Variants in ABT1 observed in about 807,000 individuals in gnomAD.
The protein encoded by ABT1 is TATA-binding protein-binding protein.
ABT1 carries 13 observed loss-of-function variants against 14.0 expected under a neutral mutation model. The observed-to-expected ratio is 0.93, with a 90% CI of 0.61 to 1.48. ABT1 has a LOEUF of 1.48. Ranked by LOEUF, ABT1 falls within the 40% of genes most tolerant of loss-of-function variation. ABT1 has a pLI of 0.00. For synonymous variants in ABT1, 165 were observed against 144.6 expected (o/e 1.14, Z -1.01); for missense variants, 430 against 380.0 (o/e 1.13, Z -1.09).
In ABT1 at chr6:26,598,294, C is replaced by A. The variant is rs781788958; in HGVS notation, c.468C>A (p.Leu156=). The A allele has an allele frequency of 1.2e-6, 2 of 1,614,000 alleles. No homozygotes were observed. Among genetic ancestry groups the A allele is most frequent in the South Asian group, 1.1e-5 (1 of 91,084 alleles). ...TGCACCGTTTCACCTGGTCCCACCTCAGCGAGCACCTCGCCTTTGAGCGCC... is the reference window on the plus strand; with the variant it reads ...TGCACCGTTTCACCTGGTCCCACCTAAGCGAGCACCTCGCCTTTGAGCGCC... ...KYLHRFTWSH[L]SEHLAFERQV... The change falls in exon 3 of 3, where the codon CTC becomes CTA. Residue 156 remains leucine, a synonymous_variant. Coordinates refer to ENST00000274849, the MANE Select transcript of ABT1 (RefSeq NM_013375.4).
chr6:26,600,116 T>G lies in ABT1; in HGVS notation c.*1471T>G, dbSNP rs1764957017. Reference sequence around the variant, plus strand: ...TTGGCACACAAACTACGTTTCCATTTAGAAACTTTCGTCTTGTTTCTGTTT... The same window carrying G: ...TTGGCACACAAACTACGTTTCCATTGAGAAACTTTCGTCTTGTTTCTGTTT... On this transcript the variant is annotated 3_prime_UTR_variant, in exon 3 of 3. Coordinates refer to ENST00000274849, the MANE Select transcript of ABT1 (RefSeq NM_013375.4). The G allele has an allele frequency of 6.6e-6, 1 of 152,264 alleles. No individual in the cohort carries two copies. Among genetic ancestry groups the G allele is most frequent in the Non-Finnish European group, 1.5e-5 (1 of 68,046 alleles). 9.4% of individuals were successfully genotyped at this position (152,264 alleles called of 1,614,324 possible).
At chr6:26,597,637 C>G (rs909752273) in intron 1 of ABT1, among the ~76,000 whole-genome samples, 4 of 152,184 alleles carry the variant, frequency 2.6e-5, no homozygotes, top group African/African-American at 4.8e-5. Flanking sequence ...TGATCAACCG[C>G]CCCTCTTCTT....
rs1764906858 is a variant in ABT1 at position 26,596,981 on chromosome 6, A to G, written c.-2A>G. 1 of 1,609,534 alleles carries G rather than the reference A, an allele frequency of 6.2e-7. No individual in the cohort carries two copies. Among genetic ancestry groups the G allele is most frequent in the South Asian group, 1.1e-5 (1 of 90,458 alleles). On this transcript the variant is annotated 5_prime_UTR_variant, in exon 1 of 3. Coordinates refer to ENST00000274849, the MANE Select transcript of ABT1 (RefSeq NM_013375.4). ...GCCGTCGTGCCGCTCGTGTCAGTCA[A>G]CATGGAGGCAGAGGAATCGGAGAAG... is the stretch of plus-strand genomic sequence containing the variant.
chr6:26,598,068 C>A lies in ABT1; in HGVS notation c.396C>A (p.Ala132=). Residue 132 remains alanine, a synonymous_variant, in exon 2 of 3, where the codon GCC becomes GCA. Transcript: ENST00000274849. The part of the protein sequence containing the change: ...AASLHNTPMG[A]RRRSPFRYDL... ...GTCTACACAACACGCCTATGGGTGC[C>A]CGCAGGCGCAGCCCCTTCCGTTATG... 6.2e-7 allele frequency: 1 copy of A among 1,614,012 alleles called. No homozygotes were observed. The highest frequency in any genetic ancestry group is 8.5e-7 in the Non-Finnish European group (1 of 1,179,916).
chr6:26,597,227 A>T lies in ABT1; in HGVS notation c.241+4A>T. 1.2e-6 allele frequency: 2 copies of T among 1,613,850 alleles called. No individual in the cohort carries two copies. The highest frequency in any genetic ancestry group is 1.7e-6 in the Non-Finnish European group (2 of 1,179,824). ...CGCGTCTTCTTTCAGGCTGAGGGTA[A>T]GTATGCAGGCCCTGACGGTGACAGG... On this transcript the variant is annotated splice_donor_region_variant and intron_variant, in intron 1 of 2. Transcript: ENST00000274849.
At position 26,599,455 on chromosome 6, in the gene ABT1, G is replaced by A. The variant is rs556703191; in HGVS notation, c.*810G>A. 1.3e-5 allele frequency: 2 copies of A among 152,302 alleles called. No individual in the cohort carries two copies. The highest frequency in any genetic ancestry group is 2.4e-5 in the African/African-American group (1 of 41,560). The allele number at this position is 152,302 out of a possible 1,614,324, so 9.4% of individuals were successfully genotyped here. ...ATCGTGGTAGATGCATATAAAGGGTGGAATGGGAGCCATGGCAGGTCATAG... is the reference window on the plus strand; with the variant it reads ...ATCGTGGTAGATGCATATAAAGGGTAGAATGGGAGCCATGGCAGGTCATAG... On this transcript the variant is annotated 3_prime_UTR_variant, in exon 3 of 3. Coordinates refer to ENST00000274849, the MANE Select transcript of ABT1 (RefSeq NM_013375.4).
rs1430533894 is a variant in ABT1, at chr6:26,597,968, G to A, written c.296G>A (p.Arg99Gln). 1.2e-5 allele frequency: 19 copies of A among 1,613,794 alleles called. No individual in the cohort carries two copies. In the East Asian group the frequency reaches 4.2e-4, roughly 36 times the overall value. The part of the protein sequence containing the change: ...KAAAAAGGKK[R>Q]SYTKDYTEGW... ...GCAGCAGCTGCCGGAGGAAAAAAGC[G>A]GTCCTACACCAAGGACTACACCGAG... The change falls in exon 2 of 3, where the codon CGG (arginine) becomes CAG (glutamine). Residue 99 changes from arginine to glutamine, a missense_variant. By Grantham distance (43) the Arg-to-Gln change is conservative (BLOSUM62 1). Transcript: ENST00000274849.
Position 26,597,032 on chromosome 6 carries a change from A to G in ABT1, c.50A>G (p.Glu17Gly). Reference sequence around the variant, plus strand: ...GCCGCAACGGAGCAAGAGCCGCTGGAAGGGACAGAACAGACACTAGATGCG... The same window carrying G: ...GCCGCAACGGAGCAAGAGCCGCTGGGAGGGACAGAACAGACACTAGATGCG... ...EKAATEQEPL[E>G]GTEQTLDAEE... Residue 17 changes from glutamate to glycine, a missense_variant, in exon 1 of 3, where the codon GAA becomes GGA. Physicochemically the swap from Glu to Gly is moderately conservative, Grantham distance 98. Transcript: ENST00000274849. 1 of 1,613,686 alleles carries G rather than the reference A, an allele frequency of 6.2e-7. No individual in the cohort carries two copies. Among genetic ancestry groups the G allele is most frequent in the Non-Finnish European group, 8.5e-7 (1 of 1,179,964 alleles).
Position 26,598,946 on chromosome 6 carries a change from G to GC in ABT1, c.*306dup. On this transcript the variant is annotated 3_prime_UTR_variant, in exon 3 of 3. Coordinates refer to ENST00000274849, the MANE Select transcript of ABT1 (RefSeq NM_013375.4). ...GGGTCCCCTGAAAATCCCACTTCCT[G>GC]CCCCCAGAAAGGGCCTTTATTTCCA... The GC allele has an allele frequency of 3.7e-6, 1 of 272,422 alleles. No homozygotes were observed. The highest frequency in any genetic ancestry group is 6.9e-6 in the Non-Finnish European group (1 of 145,066). The allele number at this position is 272,422 out of a possible 1,614,324, so 16.9% of individuals were successfully genotyped here.
intron 1 of ABT1, 38 bp from the exon 2 acceptor site, chr6:26,597,876 A>G (rs1554144659): frequency 1.3e-6 from 2 of 1,573,682 alleles, no homozygotes; most frequent in African/African-American, 1.4e-5. Context: ...TGAGTGCTGC[A>G]TAGGCGTCCT....
rs782232408 is a variant in ABT1 at position 26,597,166 on chromosome 6, G to C, written c.184G>C (p.Val62Leu). Reference sequence around the variant, plus strand: ...CCCGCCGCGCTTCCGGCCCCTGCACGTCCGCAACCTTCTCAGCGCCTATGG... The same window carrying C: ...CCCGCCGCGCTTCCGGCCCCTGCACCTCCGCAACCTTCTCAGCGCCTATGG... ...HIPPRFRPLH[V>L]RNLLSAYGEV... The change falls in exon 1 of 3, where the codon GTC becomes CTC. Residue 62 changes from valine to leucine, a missense_variant. Val to Leu is a conservative substitution (Grantham distance 32, BLOSUM62 1). Coordinates refer to ENST00000274849, the MANE Select transcript of ABT1 (RefSeq NM_013375.4). The C allele has an allele frequency of 6.2e-7, 1 of 1,614,246 alleles. No individual in the cohort carries two copies. The highest frequency in any genetic ancestry group is 8.5e-7 in the Non-Finnish European group (1 of 1,180,050).
In ABT1 at chr6:26,597,930, CAAG is replaced by C. The variant is rs781785112; in HGVS notation, c.265_267del (p.Lys89del). 1.7e-5 allele frequency: 27 copies of C among 1,612,380 alleles called. No individual in the cohort carries two copies. The highest frequency in any genetic ancestry group is 6.7e-5 in the East Asian group (3 of 44,832). On this transcript the variant is annotated inframe_deletion, in exon 2 of 3. Transcript: ENST00000274849. The stretch of plus-strand genomic sequence containing the variant: ...GGCGCGCAGACCGGTTCGTGAGACG[CAAG>C]AAGAAGGCAGCAGCAGCTGCCGGAG...
chr6:26,597,845 G>T lies in ABT1; in HGVS notation c.242-69G>T, dbSNP rs1581469518. 7.5e-6 allele frequency: 11 copies of T among 1,460,976 alleles called. No individual in the cohort carries two copies. The South Asian group carries it at 1.5e-4, about 20-fold the overall frequency. The allele number at this position is 1,460,976 out of a possible 1,614,324, so 90.5% of individuals were successfully genotyped here. A position where few individuals can be genotyped will look rare whatever the true frequency, so the allele number is the denominator to read the frequency against. On this transcript the variant is annotated intron_variant, in intron 1 of 2. Transcript: ENST00000274849. ...CTGGCAGATGTGAAGAACGTTGCGG[G>T]CAGTGGGAGGTGCTTTTGAGTGAGT...
rs781931435 is a variant in ABT1 at position 26,597,117 on chromosome 6, A to G, written c.135A>G (p.Pro45=). ...AACGSKKRVV[P]GIVYLGHIPP... ...GTGGCAGCAAGAAACGGGTAGTGCC[A>G]GGTATTGTGTACCTGGGCCATATCC... The change falls in exon 1 of 3, where the codon CCA becomes CCG. Residue 45 remains proline (P), a synonymous_variant. Coordinates refer to ENST00000274849, the MANE Select transcript of ABT1 (RefSeq NM_013375.4). The G allele has an allele frequency of 6.2e-7, 1 of 1,614,106 alleles. No individual in the cohort carries two copies. The highest frequency in any genetic ancestry group is 1.7e-4 in the Middle Eastern group (1 of 6,054).
In ABT1 at chr6:26,600,318, TTCCC is replaced by T. The variant is rs2113627810; in HGVS notation, c.*1676_*1679del. ...GAGATACCAAGGTGAAGAAGAAACTTTCCCTCTAGTTGCTAACAGCTTAGAAAGT... is the reference window on the plus strand; with the variant it reads ...GAGATACCAAGGTGAAGAAGAAACTTTCTAGTTGCTAACAGCTTAGAAAGT... On this transcript the variant is annotated 3_prime_UTR_variant, in exon 3 of 3. Coordinates refer to ENST00000274849, the MANE Select transcript of ABT1 (RefSeq NM_013375.4). The T allele has an allele frequency of 6.6e-6, 1 of 152,360 alleles. No homozygotes were observed. The highest frequency in any genetic ancestry group is 2.1e-4 in the South Asian group (1 of 4,830). The allele number at this position is 152,360 out of a possible 1,614,324, so 9.4% of individuals were successfully genotyped here.
chr6:26,597,802 C>G (rs1052529138), intron 1 of ABT1, 112 bp from the exon 2 acceptor site: 5 of 1,120,086 alleles, frequency 4.5e-6, no homozygotes, highest in East Asian at 2.6e-5. Context: ...GGCAAAAACT[C>G]TTCAGGTGGG....
Position 26,597,105 on chromosome 6 carries a change from A to G in ABT1, c.123A>G (p.Lys41=), listed in dbSNP as rs3800302. The G allele has an allele frequency of 0.64, 1,034,506 of 1,613,422 alleles. 334,809 individuals carry two copies. The highest frequency in any genetic ancestry group is 0.8 in the East Asian group (35,958 of 44,852). ...AAGAAGCGGCCTGTGGCAGCAAGAA[A>G]CGGGTAGTGCCAGGTATTGTGTACC... ...ESEEAACGSK[K]RVVPGIVYLG... is the part of the protein sequence containing the mutation. The change falls in exon 1 of 3, where the codon AAA becomes AAG. Residue 41 remains lysine (K), a synonymous_variant. Coordinates refer to ENST00000274849, the MANE Select transcript of ABT1 (RefSeq NM_013375.4).
Position 26,600,281 on chromosome 6 carries a change from C to T in ABT1, c.*1636C>T, listed in dbSNP as rs1426823301. 6.6e-6 allele frequency: 1 copy of T among 152,236 alleles called. No homozygotes were observed. The highest frequency in any genetic ancestry group is 1.5e-5 in the Non-Finnish European group (1 of 68,048). 9.4% of individuals were successfully genotyped at this position (152,236 alleles called of 1,614,324 possible). On this transcript the variant is annotated 3_prime_UTR_variant, in exon 3 of 3. Transcript: ENST00000274849. ...GAATTCCAAGTGCCCATTGCTACTT[C>T]TGCTAGATAAAGAGATACCAAGGTG...
intron 1 of ABT1, 38 bp downstream of exon 1, chr6:26,597,261 G>T: frequency 1.2e-6 from 2 of 1,602,390 alleles, no homozygotes; most frequent in Non-Finnish European, 1.7e-6. Context: ...GGAGGAGGTT[G>T]TCGCTCGCTG....
Sources: allele counts gnomAD v4.1 joint callset (sites outside exome capture counted in the v4.1 genomes callset), GRCh38; gene constraint gnomAD v4.1.1; transcripts MANE v1.5; gene names NCBI Gene and HGNC (gene_info 2026-07-23, HGNC 2026-07-21).